The following CTSV variants were observed in gnomAD, a reference collection of about 807,000 sequenced individuals.
CTSV encodes the protein cathepsin V, also known as cathepsin L2.
CTSV carries 33 observed loss-of-function variants against 35.6 expected under a neutral mutation model. That is an observed-to-expected ratio of 0.93 (90% CI 0.70 to 1.24). The LOEUF (loss-of-function observed/expected upper bound fraction) is 1.24. Among genes scored for constraint, CTSV ranks in the 50% most tolerant of loss-of-function variants. The pLI, the probability that CTSV is intolerant of heterozygous loss-of-function variation, is 0.00. For missense variants in CTSV, 408 were observed against 413.1 expected (o/e 0.99, Z 0.11); for synonymous variants, 154 against 147.1 (o/e 1.05, Z -0.34).
intron 6 of CTSV, 83 bp from the exon 7 acceptor site, chr9:97,034,926 G>A (rs981438379): frequency 1.0e-6 from 1 of 993,192 alleles, no homozygotes; most frequent in Non-Finnish European, 1.6e-6. Flanking sequence ...CCATAAGGGA[G>A]GCATCTCTAA....
chr9:97,032,762 G>A lies in CTSV; in HGVS notation c.*187C>T. On this transcript the variant is annotated 3_prime_UTR_variant, in exon 8 of 8. Transcript: ENST00000259470. ...AATGAGTCTTTGATATCATAAAGCT[G>A]TGTATAACAATAATTAAAGTAGTGG... 2.1e-6 allele frequency: 1 copy of A among 468,902 alleles called. No individual in the cohort carries two copies. Among genetic ancestry groups the A allele is most frequent in the South Asian group, 5.2e-5 (1 of 19,248 alleles). 29.0% of individuals were successfully genotyped at this position (468,902 alleles called of 1,614,324 possible). A position where few individuals can be genotyped will look rare whatever the true frequency, so the allele number is the denominator to read the frequency against.
In CTSV at chr9:97,031,506, A is replaced by G. The variant is rs1466759895; in HGVS notation, c.*1443T>C. ...ACTATTTTCTCCTGCTCATAAAAATACATGCTTTTCACTAAACGAGTTAAA... is the reference window on the plus strand; with the variant it reads ...ACTATTTTCTCCTGCTCATAAAAATGCATGCTTTTCACTAAACGAGTTAAA... On this transcript the variant is annotated 3_prime_UTR_variant, in exon 8 of 8. Coordinates refer to ENST00000259470, the MANE Select transcript of CTSV (RefSeq NM_001333.4). 1.3e-5 allele frequency: 2 copies of G among 152,240 alleles called. No homozygotes were observed. Among genetic ancestry groups the G allele is most frequent in the African/African-American group, 4.8e-5 (2 of 41,464 alleles). 9.4% of individuals were successfully genotyped at this position (152,240 alleles called of 1,614,324 possible). A position where few individuals can be genotyped will look rare whatever the true frequency, so the allele number is the denominator to read the frequency against.
At chr9:97,036,157 G>A (rs1017334486) in intron 5 of CTSV, among the ~76,000 whole-genome samples, 5 of 151,260 alleles carry the variant, frequency 3.3e-5, no homozygotes, top group Non-Finnish European at 7.4e-5. Flanking sequence ...TGCAAGCTCC[G>A]CCTCCCGGGT....
intron 1 of CTSV, 133 bp from the exon 2 acceptor site, chr9:97,038,186 G>T: frequency 1.0e-6 from 1 of 980,996 alleles, no homozygotes; most frequent in Non-Finnish European, 1.4e-6. Context: ...GCTGAAACAG[G>T]CCAAGTGGAG....
intron 5 of CTSV, 32 bp downstream of exon 5, chr9:97,036,491 G>C (rs760568768): frequency 6.7e-7 from 1 of 1,500,188 alleles, no homozygotes; most frequent in Non-Finnish European, 9.3e-7. Flanking sequence ...CAAAAGCAGA[G>C]CACGAATGAC....
At position 97,031,070 on chromosome 9, in the gene CTSV, G is replaced by A. The variant is rs1243284643; in HGVS notation, c.*1879C>T. The A allele has an allele frequency of 1.3e-5, 2 of 152,172 alleles. No homozygotes were observed. Among genetic ancestry groups the A allele is most frequent in the Non-Finnish European group, 2.9e-5 (2 of 68,040 alleles). 9.4% of individuals were successfully genotyped at this position (152,172 alleles called of 1,614,324 possible). On this transcript the variant is annotated 3_prime_UTR_variant, in exon 8 of 8. Transcript: ENST00000259470. ...TATCTCTATTTTAGTTTTCCGAGGG[G>A]TGCTGTTTTGACAGATTTGAAATTT...
rs190524986 is a variant in CTSV at position 97,037,038 on chromosome 9, C to T, written c.396+214G>A. Among the ~76,000 whole-genome samples, 607 of 152,128 alleles carry T rather than the reference C, an allele frequency of 4.0e-3. 4 individuals are homozygous for T. The highest frequency in any genetic ancestry group is 6.5e-3 in the Non-Finnish European group (445 of 67,986). ...AGGAGAATCTCTTGAACCCAGGAGG[C>T]AGAGGTTGCAGTGAGACGAGATCAC... On this transcript the variant is annotated intron_variant, in intron 4 of 7. Coordinates refer to ENST00000259470, the MANE Select transcript of CTSV (RefSeq NM_001333.4).
chr9:97,037,241 C>CGCTGT lies in CTSV; in HGVS notation c.396+6_396+10dup. On this transcript the variant is annotated intron_variant, in intron 4 of 7. Transcript: ENST00000259470. ...CTGTGGAGACAGGGTCTGAATCTGA[C>CGCTGT]GCTGTCTCACCTGATTCTTCACTGG... 6.2e-7 allele frequency: 1 copy of CGCTGT among 1,612,060 alleles called. No individual in the cohort carries two copies. The highest frequency in any genetic ancestry group is 8.5e-7 in the Non-Finnish European group (1 of 1,178,894).
intron 5 of CTSV, 52 bp downstream of exon 5, chr9:97,036,471 T>C (rs770323217): frequency 7.9e-7 from 1 of 1,270,776 alleles, no homozygotes; most frequent in Non-Finnish European, 1.2e-6. Context: ...TCTGAAAGTG[T>C]TCCACTTTCC....
At position 97,032,853 on chromosome 9, in the gene CTSV, C is replaced by A; in HGVS notation, c.*96G>T. 5 of 743,906 alleles carry A rather than the reference C, an allele frequency of 6.7e-6. No homozygotes were observed. Among genetic ancestry groups the A allele is most frequent in the Non-Finnish European group, 1.1e-5 (5 of 469,842 alleles). The allele number at this position is 743,906 out of a possible 1,614,324, so 46.1% of individuals were successfully genotyped here. ...TCAACTTGGATCCTCAATGATTCAACTGGTTTATCTTACACAATAAGCGTT... is the reference window on the plus strand; with the variant it reads ...TCAACTTGGATCCTCAATGATTCAAATGGTTTATCTTACACAATAAGCGTT... On this transcript the variant is annotated 3_prime_UTR_variant, in exon 8 of 8. Transcript: ENST00000259470.
rs1828715913 is a variant in CTSV, at chr9:97,030,102, A to T, written c.*2847T>A. On this transcript the variant is annotated 3_prime_UTR_variant, in exon 8 of 8. Transcript: ENST00000259470. ...CATTAAGCAACACATGACTGTATAT[A>T]TACATTTACTAATGTTTGTTATTTT... 1 of 152,244 alleles carries T rather than the reference A, an allele frequency of 6.6e-6. No homozygotes were observed. Among genetic ancestry groups the T allele is most frequent in the South Asian group, 2.1e-4 (1 of 4,836 alleles). The allele number at this position is 152,244 out of a possible 1,614,324, so 9.4% of individuals were successfully genotyped here.
rs1418034201 is a variant in CTSV, at chr9:97,036,429, A to G, written c.621+94T>C. 5 of 896,288 alleles carry G rather than the reference A, an allele frequency of 5.6e-6. No individual in the cohort carries two copies. The East Asian group carries it at 1.3e-4, about 23-fold the overall frequency. 55.5% of individuals were successfully genotyped at this position (896,288 alleles called of 1,614,324 possible). ...TTGCAGATGTAGATTCTACCATATAAAATGTGAATTCTGAAAAAAGTATCT... is the reference window on the plus strand; with the variant it reads ...TTGCAGATGTAGATTCTACCATATAGAATGTGAATTCTGAAAAAAGTATCT... On this transcript the variant is annotated intron_variant, in intron 5 of 7. Coordinates refer to ENST00000259470, the MANE Select transcript of CTSV (RefSeq NM_001333.4).
Position 97,034,734 on chromosome 9 carries a change from G to C in CTSV, c.897C>G (p.Val299=), listed in dbSNP as rs1253957177. 3.7e-6 allele frequency: 6 copies of C among 1,612,874 alleles called. No individual in the cohort carries two copies. The highest frequency in any genetic ancestry group is 1.7e-6 in the Non-Finnish European group (2 of 1,179,020). The change falls in exon 7 of 8, where the codon GTC becomes GTG. Residue 299 remains valine (V), a synonymous_variant. Coordinates refer to ENST00000259470, the MANE Select transcript of CTSV (RefSeq NM_001333.4). Reference sequence around the variant, plus strand: ...AATTTTGAGTTTTATACCTGTTTTTGACGAGCCAATACTTGCTGTTATTCG... The same window carrying C: ...AATTTTGAGTTTTATACCTGTTTTTCACGAGCCAATACTTGCTGTTATTCG... The part of the protein sequence containing the change: ...ANSNNSKYWL[V]KNSWGPEWGS...
chr9:97,034,424 A>AC (rs1462031275), intron 7 of CTSV, among the ~76,000 whole-genome samples: 1 of 152,174 alleles, frequency 6.6e-6, no homozygotes, highest in East Asian at 1.9e-4. Context: ...CTTGTTGAAA[A>AC]ATTAGACAGA....
intron 6 of CTSV, among the ~76,000 whole-genome samples, chr9:97,035,212 TAAAC>T (rs531692519): frequency 1.3e-5 from 2 of 151,940 alleles, no homozygotes; most frequent in Non-Finnish European, 2.9e-5. Flanking sequence ...AGCACCAAAA[TAAAC>T]AAACAAAAAC....
In CTSV at chr9:97,039,129, G is replaced by T. The variant is rs1828912516; in HGVS notation, c.-69C>A. ...CAAACAAGCCTCTGAGATTACAGAC[G>T]TCCGCGGTCTGGTGCAGGTTCGCCC... On this transcript the variant is annotated 5_prime_UTR_variant, in exon 1 of 8. Transcript: ENST00000259470. 1 of 152,322 alleles carries T rather than the reference G, an allele frequency of 6.6e-6. No homozygotes were observed. The highest frequency in any genetic ancestry group is 6.5e-5 in the Admixed American group (1 of 15,290). The allele number at this position is 152,322 out of a possible 1,614,324, so 9.4% of individuals were successfully genotyped here. A position where few individuals can be genotyped will look rare whatever the true frequency, so the allele number is the denominator to read the frequency against.
upstream of CTSV, chr9:97,039,367 G>C (rs932160183): frequency 5.2e-5 from 8 of 153,074 alleles, no homozygotes; most frequent in South Asian, 2.1e-4. Flanking sequence ...GCGCGGAGGA[G>C]GGGGAGGCGC....
At position 97,029,970 on chromosome 9, in the gene CTSV, C is replaced by T. The variant is rs1828713208; in HGVS notation, c.*2979G>A. ...AGGAGCAACAGGCTGTACCATATAG[C>T]CTAGGTGTGTAATAGGCTATACCAT... On this transcript the variant is annotated 3_prime_UTR_variant, in exon 8 of 8. Transcript: ENST00000259470. 1 of 152,210 alleles carries T rather than the reference C, an allele frequency of 6.6e-6. No homozygotes were observed. Among genetic ancestry groups the T allele is most frequent in the Non-Finnish European group, 1.5e-5 (1 of 68,048 alleles). The allele number at this position is 152,210 out of a possible 1,614,324, so 9.4% of individuals were successfully genotyped here.
chr9:97,029,865 C>T lies in CTSV; in HGVS notation c.*3084G>A, dbSNP rs1368308934. On this transcript the variant is annotated 3_prime_UTR_variant, in exon 8 of 8. Coordinates refer to ENST00000259470, the MANE Select transcript of CTSV (RefSeq NM_001333.4). ...TATATTTTTACTGTACTTTTCTGTT[C>T]AGATACACGAATACTTACCACTGTG... The T allele has an allele frequency of 6.6e-6, 1 of 152,194 alleles. No homozygotes were observed. Among genetic ancestry groups the T allele is most frequent in the African/African-American group, 2.4e-5 (1 of 41,450 alleles). The allele number at this position is 152,194 out of a possible 1,614,324, so 9.4% of individuals were successfully genotyped here.
Sources: gnomAD v4.1 joint callset for allele counts (sites outside exome capture counted in the v4.1 genomes callset) on GRCh38, gnomAD v4.1.1 for gene constraint, MANE v1.5 for transcripts, NCBI Gene and HGNC (gene_info 2026-07-23, HGNC 2026-07-21) for gene names.